Variants in ROBO2 observed in about 807,000 individuals in gnomAD.
ROBO2 encodes the protein roundabout homolog 2.
A neutral mutation model predicts 160.8 loss-of-function variants in ROBO2; 53 were observed. The observed-to-expected ratio is 0.33, with a 90% CI of 0.26 to 0.41. The LOEUF is 0.41. Ranked by LOEUF, ROBO2 falls within the 10% of genes least tolerant of loss-of-function variation. The pLI is 1.00. For missense variants in ROBO2, 1,577 were observed against 1,722.4 expected, an observed-to-expected ratio of 0.92 and a Z score of 1.49; for synonymous variants, 664 against 611.7, an observed-to-expected ratio of 1.09 and a Z score of -1.26.
chr3:76,176,078 G>A (rs188002226), intron 2 of ROBO2, among the ~76,000 whole-genome samples: 1 of 151,882 alleles, frequency 6.6e-6, no homozygotes, highest in East Asian at 1.9e-4. Context: ...AAATCCATGT[G>A]TCCTTTGGGA....
chr3:77,642,444 A>C (rs2095362400), intron 24 of ROBO2, among the ~76,000 whole-genome samples: 1 of 152,228 alleles, frequency 6.6e-6, no homozygotes, highest in Non-Finnish European at 1.5e-5. Context: ...TCCACATTTA[A>C]CTGTTGAATA....
At chr3:76,335,178 G>GTTTTTTTTT (rs34963831) in intron 2 of ROBO2, among the ~76,000 whole-genome samples, 4 of 77,896 alleles carry the variant, frequency 5.1e-5, no homozygotes, top group Non-Finnish European at 6.9e-5. Flanking sequence ...TTTCTGTTTT[G>GTTTTTTTTT]TTTTTTTTTT....
intron 2 of ROBO2, among the ~76,000 whole-genome samples, chr3:76,579,354 T>A (rs2085507649): frequency 6.6e-6 from 1 of 152,194 alleles, no homozygotes; most frequent in African/African-American, 2.4e-5. Context: ...TATTTTACAG[T>A]TTACAGCTAT....
chr3:76,397,459 T>C (rs960157849), intron 2 of ROBO2, among the ~76,000 whole-genome samples: 1 of 151,058 alleles, frequency 6.6e-6, no homozygotes, highest in Non-Finnish European at 1.5e-5. Flanking sequence ...GCAACAAAAG[T>C]CAAAATTGAC....
At chr3:77,081,887 G>A (rs185823640) in intron 1 of ROBO2, among the ~76,000 whole-genome samples, 9 of 152,162 alleles carry the variant, frequency 5.9e-5, no homozygotes, top group Admixed American at 5.9e-4. Flanking sequence ...CTTAATATTG[G>A]CTAAAGAATC....
At chr3:77,368,800 A>T (rs192403257) in intron 2 of ROBO2, among the ~76,000 whole-genome samples, 13 of 152,296 alleles carry the variant, frequency 8.5e-5, no homozygotes, top group Admixed American at 5.2e-4. Flanking sequence ...CTCTAATATG[A>T]TAGAAAATTT....
chr3:76,073,893 T>C (rs1234943407), intron 2 of ROBO2, among the ~76,000 whole-genome samples: 5 of 152,110 alleles, frequency 3.3e-5, no homozygotes, highest in Non-Finnish European at 1.5e-5. Context: ...GGCACTGCCT[T>C]GAGCTTGCCC....
intron 1 of ROBO2, among the ~76,000 whole-genome samples, chr3:75,927,984 T>C (rs1237885741): frequency 1.2e-3 from 170 of 137,502 alleles, no homozygotes; most frequent in African/African-American, 4.1e-3. Flanking sequence ...CTCTTTTTTT[T>C]TTTTTTTTTT....
intron 2 of ROBO2, among the ~76,000 whole-genome samples, chr3:76,134,126 C>A (rs1224008855): frequency 1.3e-5 from 2 of 152,026 alleles, no homozygotes; most frequent in African/African-American, 2.4e-5. Context: ...CTGCAATTTT[C>A]AAAAATTTTC....
intron 2 of ROBO2, among the ~76,000 whole-genome samples, chr3:76,628,614 AACTTTTTTTTCCTC>A (rs1417796973): frequency 2.0e-5 from 3 of 152,070 alleles, no homozygotes; most frequent in African/African-American, 7.2e-5. Context: ...CTGAAAAGGA[AACTTTTTTTTCCTC>A]ACTGGTCTAA....
intron 2 of ROBO2, among the ~76,000 whole-genome samples, chr3:77,363,680 T>C (rs554786111): frequency 6.6e-6 from 1 of 152,176 alleles, no homozygotes; most frequent in Admixed American, 6.5e-5. Context: ...TCCAGACACT[T>C]CTTGGTCTCT....
intron 2 of ROBO2, among the ~76,000 whole-genome samples, chr3:76,528,670 A>G (rs2082067989): frequency 6.6e-6 from 1 of 152,044 alleles, no homozygotes; most frequent in African/African-American, 2.4e-5. Flanking sequence ...TTCAAGAGAC[A>G]GGTTAGGCTG....
At chr3:76,862,778 T>G (rs1159203081) in intron 2 of ROBO2, among the ~76,000 whole-genome samples, 1 of 152,160 alleles carries the variant, frequency 6.6e-6, no homozygotes, top group African/African-American at 2.4e-5. Flanking sequence ...TCGTATGTCC[T>G]GAACCCTTTC....
chr3:77,554,249 A>T (rs1363010256), intron 8 of ROBO2, among the ~76,000 whole-genome samples: 1 of 151,890 alleles, frequency 6.6e-6, no homozygotes, highest in African/African-American at 2.4e-5. Flanking sequence ...CAGTGTTGAG[A>T]TCTACTCTGC....
intron 2 of ROBO2, among the ~76,000 whole-genome samples, chr3:76,114,361 A>C (rs2070370924): frequency 6.6e-6 from 1 of 152,190 alleles, no homozygotes; most frequent in Non-Finnish European, 1.5e-5. Flanking sequence ...TCTATCCAAG[A>C]AAGACTAGAG....
intron 24 of ROBO2, among the ~76,000 whole-genome samples, chr3:77,644,421 C>CTCT (rs2095390833): frequency 2.0e-5 from 3 of 152,220 alleles, no homozygotes; most frequent in Admixed American, 2.0e-4. Flanking sequence ...TTGTATGCAG[C>CTCT]TCTCTTTTAT....
At chr3:76,909,072 A>C in intron 2 of ROBO2, among the ~76,000 whole-genome samples, 1 of 152,136 alleles carries the variant, frequency 6.6e-6, no homozygotes, top group East Asian at 1.9e-4. Flanking sequence ...ACATATTTTT[A>C]AATTAGCTGG....
chr3:77,239,844 C>T (rs1304979652), intron 2 of ROBO2, among the ~76,000 whole-genome samples: 1 of 152,174 alleles, frequency 6.6e-6, no homozygotes, highest in African/African-American at 2.4e-5. Context: ...GGTGCATTTA[C>T]AATCCTTTAG....
intron 2 of ROBO2, among the ~76,000 whole-genome samples, chr3:76,447,192 CAAGAA>C (rs1451338061): frequency 6.6e-6 from 1 of 152,134 alleles, no homozygotes; most frequent in African/African-American, 2.4e-5. Flanking sequence ...AACAAATTTA[CAAGAA>C]AAAGACAAAC....
Sources: allele counts gnomAD v4.1 joint callset (sites outside exome capture counted in the v4.1 genomes callset), GRCh38; gene constraint gnomAD v4.1.1; transcripts MANE v1.5; gene names NCBI Gene and HGNC (gene_info 2026-07-23, HGNC 2026-07-21).